The following CACNA2D2 variants were observed in gnomAD, a reference collection of about 807,000 sequenced individuals.
CACNA2D2 encodes voltage-dependent calcium channel subunit alpha-2/delta-2.
A neutral mutation model predicts 166.4 loss-of-function variants in CACNA2D2; 48 were observed. The ratio of observed to expected loss-of-function variants is 0.29; its 90% confidence interval spans 0.23 to 0.37. The LOEUF (loss-of-function observed/expected upper bound fraction) is 0.37. CACNA2D2 is among the 10% of genes least tolerant of loss of function. The pLI, the probability that CACNA2D2 is intolerant of heterozygous loss-of-function variation, is 1.00. For synonymous variants in CACNA2D2, 561 were observed against 573.7 expected (o/e 0.98, Z 0.32); for missense variants, 1,122 against 1,433.0 (o/e 0.78, Z 3.50).
At chr3:50,419,485 T>G (rs532871345) in intron 3 of CACNA2D2, among the ~76,000 whole-genome samples, 5 of 152,170 alleles carry the variant, frequency 3.3e-5, no homozygotes, top group Non-Finnish European at 5.9e-5. Flanking sequence ...TTGAGGCCCA[T>G]GACACCAAAC....
chr3:50,419,498 G>A (rs760656024), intron 3 of CACNA2D2, among the ~76,000 whole-genome samples: 2 of 152,150 alleles, frequency 1.3e-5, no homozygotes, highest in African/African-American at 2.4e-5. Context: ...CACCAAACCT[G>A]GGCTGCTTCT....
chr3:50,431,761 G>A (rs891561582), intron 3 of CACNA2D2, among the ~76,000 whole-genome samples: 1 of 152,046 alleles, frequency 6.6e-6, no homozygotes, highest in South Asian at 2.1e-4. Flanking sequence ...AAGGTGGGTG[G>A]ATTACCTGAG....
Position 50,379,435 on chromosome 3 carries a change from C to G in CACNA2D2, c.1149G>C (p.Gln383His), listed in dbSNP as rs776608372. Residue 383 changes from glutamine (Q) to histidine (H), a missense_variant, in exon 11 of 38, where the codon CAG becomes CAC. Transcript: ENST00000424201. The surrounding 1 kb of genome is among the most constrained non-coding windows in gnomAD (Gnocchi z 6.5). ...AGFEYAFDQL[Q>H]NSNITRANCN... ...CTTGCCCACCCATGGGGCTCACGTT[C>G]TGCAGCTGGTCAAAGGCATACTCAA... The G allele has an allele frequency of 6.2e-7, 1 of 1,613,440 alleles. No individual in the cohort carries two copies. Among genetic ancestry groups the G allele is most frequent in the South Asian group, 1.1e-5 (1 of 91,028 alleles).
At chr3:50,472,401 G>A (rs901471251) in intron 2 of CACNA2D2, among the ~76,000 whole-genome samples, 8 of 152,172 alleles carry the variant, frequency 5.3e-5, no homozygotes, top group Non-Finnish European at 8.8e-5. Context: ...CTTCCCAGAG[G>A]GTAGCCTGTG....
Position 50,364,720 on chromosome 3 carries a change from G to A in CACNA2D2, c.3378C>T (p.Gly1126=), listed in dbSNP as rs1348193937. 2 of 1,552,088 alleles carry A rather than the reference G, an allele frequency of 1.3e-6. No homozygotes were observed. Among genetic ancestry groups the A allele is most frequent in the Non-Finnish European group, 1.7e-6 (2 of 1,148,622 alleles). ...CTTGAGGCTGCGGCCGGGGCGGCAG[G>A]CCCAGGAGGAGCAGCAGTTGCAGGG... ...LVSLQLLLLL[G]LPPRPQPQVL... Residue 1126 remains glycine (G), a synonymous_variant, in exon 38 of 38, where the codon GGC becomes GGT. Transcript: ENST00000424201.
intron 1 of CACNA2D2, among the ~76,000 whole-genome samples, chr3:50,477,065 G>T (rs970177600): frequency 2.6e-5 from 4 of 151,970 alleles, no homozygotes; most frequent in Non-Finnish European, 5.9e-5. Context: ...GAGTAGCTGG[G>T]ACTACAGGTG....
chr3:50,382,887 C>T lies in CACNA2D2; in HGVS notation c.652+1309G>A, dbSNP rs28673987. ...ATGCAGGTACCTGTGACCCCACACG[C>T]GCTTACCCATACACGGCAAGGCACA... On this transcript the variant is annotated intron_variant, in intron 6 of 37. Transcript: ENST00000424201. 3.1e-3 allele frequency among the ~76,000 whole-genome samples: 474 copies of T among 151,070 alleles called. 2 individuals carry two copies. Among genetic ancestry groups the T allele is most frequent in the African/African-American group, 0.011 (452 of 41,454 alleles).
rs1045413424 is a variant in CACNA2D2 at position 50,364,406 on chromosome 3, G to T, written c.*260C>A. On this transcript the variant is annotated 3_prime_UTR_variant, in exon 38 of 38. Coordinates refer to ENST00000424201, the MANE Select transcript of CACNA2D2 (RefSeq NM_006030.4). ...GTGGCCTCCCTGTCCCATCCCACTG[G>T]GGGGAGCCCAGCAGGCAAGAAGGGT... 13 of 482,834 alleles carry T rather than the reference G, an allele frequency of 2.7e-5. No homozygotes were observed. Among genetic ancestry groups the T allele is most frequent in the East Asian group, 3.4e-5 (1 of 29,634 alleles). The allele number at this position is 482,834 out of a possible 1,614,324, so 29.9% of individuals were successfully genotyped here.
At chr3:50,435,990 G>A (rs1708303411) in intron 2 of CACNA2D2, among the ~76,000 whole-genome samples, 1 of 152,216 alleles carries the variant, frequency 6.6e-6, no homozygotes, top group African/African-American at 2.4e-5. Context: ...GACAGTGTTA[G>A]AGACACAGGG....
intron 2 of CACNA2D2, among the ~76,000 whole-genome samples, chr3:50,459,439 T>A (rs1051480540): frequency 6.6e-6 from 1 of 152,072 alleles, no homozygotes; most frequent in African/African-American, 2.4e-5. Flanking sequence ...CCCAACTCTC[T>A]CACCTGACTC....
At chr3:50,485,842 G>A (rs965415024) in intron 1 of CACNA2D2, among the ~76,000 whole-genome samples, 3 of 152,220 alleles carry the variant, frequency 2.0e-5, no homozygotes, top group African/African-American at 4.8e-5. Flanking sequence ...ATAGCAATCA[G>A]CGAGAGGCAC....
intron 3 of CACNA2D2, among the ~76,000 whole-genome samples, chr3:50,405,065 G>A (rs769099424): frequency 7.0e-4 from 107 of 152,210 alleles, no homozygotes; most frequent in African/African-American, 2.4e-3. Context: ...CAGCCTAAGC[G>A]GGCCCTTCTC....
At chr3:50,388,838 G>A (rs904302463) in intron 4 of CACNA2D2, among the ~76,000 whole-genome samples, 1 of 152,196 alleles carries the variant, frequency 6.6e-6, no homozygotes, top group Non-Finnish European at 1.5e-5. Context: ...GGGGCTGCAG[G>A]CCACTGGCCA....
In CACNA2D2 at chr3:50,378,343, A is replaced by G. The variant is rs943689382; in HGVS notation, c.1340-10T>C. Reference sequence around the variant, plus strand: ...ATCTCAAAATAGTAGCCTGTGAAGGAAGGAGAGGCAGAGGTGGGCCTGGCT... The same window carrying G: ...ATCTCAAAATAGTAGCCTGTGAAGGGAGGAGAGGCAGAGGTGGGCCTGGCT... On this transcript the variant is annotated splice_polypyrimidine_tract_variant and intron_variant, in intron 13 of 37. Transcript: ENST00000424201. The G allele has an allele frequency of 2.6e-6, 4 of 1,551,402 alleles. No individual in the cohort carries two copies. The African/African-American group carries it at 5.5e-5, about 21-fold the overall frequency.
At chr3:50,435,513 G>C (rs1180546609) in intron 2 of CACNA2D2, among the ~76,000 whole-genome samples, 1 of 151,802 alleles carries the variant, frequency 6.6e-6, no homozygotes, top group Admixed American at 6.6e-5. Flanking sequence ...GAGAGACAGA[G>C]AGGAGGTGAT....
In CACNA2D2 at chr3:50,365,520, C is replaced by A. The variant is rs142269127; in HGVS notation, c.2972-38G>T. The A allele has an allele frequency of 5.6e-6, 9 of 1,607,232 alleles. No homozygotes were observed. Among genetic ancestry groups the A allele is most frequent in the Non-Finnish European group, 7.6e-6 (9 of 1,176,938 alleles). On this transcript the variant is annotated intron_variant, in intron 34 of 37. Coordinates refer to ENST00000424201, the MANE Select transcript of CACNA2D2 (RefSeq NM_006030.4). The surrounding 1 kb of genome is among the most constrained non-coding windows in gnomAD (Gnocchi z 4.5). ...AGAGCGCCTCAGCTCCGCCCACAGA[C>A]CCTGGCAAGGTCTCCGGCCTCCCTC... is the stretch of plus-strand genomic sequence containing the variant.
In CACNA2D2 at chr3:50,385,091, C is replaced by T. The variant is rs772554083; in HGVS notation, c.511-754G>A. 7.2e-5 allele frequency among the ~76,000 whole-genome samples: 11 copies of T among 152,282 alleles called. No individual in the cohort carries two copies. The East Asian group carries it at 1.2e-3, about 16-fold the overall frequency. On this transcript the variant is annotated intron_variant, in intron 5 of 37. Coordinates refer to ENST00000424201, the MANE Select transcript of CACNA2D2 (RefSeq NM_006030.4). Reference sequence around the variant, plus strand: ...AGGCTGGGCATGCACCGTGCGCCCCCGCCCACCATCACAGGCTGGCAGGAG... The same window carrying T: ...AGGCTGGGCATGCACCGTGCGCCCCTGCCCACCATCACAGGCTGGCAGGAG...
At chr3:50,438,594 G>A (rs1350139738) in intron 2 of CACNA2D2, among the ~76,000 whole-genome samples, 3 of 152,160 alleles carry the variant, frequency 2.0e-5, no homozygotes, top group Non-Finnish European at 4.4e-5. Flanking sequence ...AGCCAGCCTC[G>A]TTCCCACAGC....
intron 4 of CACNA2D2, among the ~76,000 whole-genome samples, chr3:50,389,619 G>C (rs1464737442): frequency 6.6e-6 from 1 of 152,208 alleles, no homozygotes; most frequent in East Asian, 1.9e-4. Context: ...AGGCACCTCA[G>C]CGTTCACTGG....
Sources: allele counts gnomAD v4.1 joint callset (sites outside exome capture counted in the v4.1 genomes callset), GRCh38; gene constraint gnomAD v4.1.1; non-coding constraint Gnocchi (gnomAD v3.1); transcripts MANE v1.5; gene names NCBI Gene and HGNC (gene_info 2026-07-23, HGNC 2026-07-21).